DNAL1: variants seen among roughly 807,000 people sequenced by gnomAD.
The protein encoded by DNAL1 is chromosome 14 open reading frame 168.
Under a neutral mutation model 29.4 loss-of-function variants are expected in DNAL1, and 17 were observed. That is an observed-to-expected ratio of 0.58 (90% CI 0.40 to 0.87). DNAL1 has a LOEUF of 0.87. Among genes scored for constraint, DNAL1 ranks in the 40% least tolerant of loss-of-function variants. The pLI is 0.00. For missense variants in DNAL1, 188 were observed against 214.1 expected (o/e 0.88, Z 0.76); for synonymous variants, 78 against 76.3 (o/e 1.02, Z -0.12).
intron 1 of DNAL1, among the ~76,000 whole-genome samples, chr14:73,652,867 A>C (rs1891139778): frequency 6.6e-6 from 1 of 151,624 alleles, no homozygotes; most frequent in Admixed American, 6.6e-5. Context: ...TTTTTCTTTC[A>C]TTATTTTATA....
At position 73,696,759 on chromosome 14, in the gene DNAL1, T is replaced by C. The variant is rs1286331840; in HGVS notation, c.*817T>C. On this transcript the variant is annotated 3_prime_UTR_variant, in exon 8 of 8. Transcript: ENST00000553645. ...CCTTATGTGTTTAAAGCATTAGTTA[T>C]ATTTGAATTCCTAGACTAAATGCTG... 1 of 152,208 alleles carries C rather than the reference T, an allele frequency of 6.6e-6. No homozygotes were observed. Among genetic ancestry groups the C allele is most frequent in the Non-Finnish European group, 1.5e-5 (1 of 68,030 alleles). The allele number at this position is 152,208 out of a possible 1,614,324, so 9.4% of individuals were successfully genotyped here. A position where few individuals can be genotyped will look rare whatever the true frequency, so the allele number is the denominator to read the frequency against.
At chr14:73,680,381 G>A (rs181025206) in intron 5 of DNAL1, among the ~76,000 whole-genome samples, 1 of 152,246 alleles carries the variant, frequency 6.6e-6, no homozygotes, top group Admixed American at 6.5e-5. Context: ...TTGGAGAGAA[G>A]TTATAGCTTT....
intron 1 of DNAL1, 48 bp downstream of exon 1, chr14:73,645,090 G>A: frequency 6.3e-7 from 1 of 1,596,318 alleles, no homozygotes; most frequent in Non-Finnish European, 8.5e-7. Flanking sequence ...AAGATTGGGA[G>A]TGGAAAAGGG....
intron 4 of DNAL1, among the ~76,000 whole-genome samples, chr14:73,669,312 C>CT (rs1566884659): frequency 6.6e-6 from 1 of 151,692 alleles, no homozygotes; most frequent in Non-Finnish European, 1.5e-5. Flanking sequence ...GAATCTTGCT[C>CT]TGTCACCAGG....
chr14:73,668,334 A>T (rs976558101), intron 4 of DNAL1, among the ~76,000 whole-genome samples: 1 of 152,200 alleles, frequency 6.6e-6, no homozygotes, highest in African/African-American at 2.4e-5. Context: ...CCTGGTGTAT[A>T]GTAGATGGTC....
chr14:73,674,044 T>C (rs796641475), intron 5 of DNAL1, among the ~76,000 whole-genome samples: 5 of 151,990 alleles, frequency 3.3e-5, no homozygotes, highest in African/African-American at 9.7e-5. Flanking sequence ...CTGTAATGTG[T>C]GAAACATGGA....
intron 4 of DNAL1, among the ~76,000 whole-genome samples, chr14:73,663,552 C>A (rs1393877481): frequency 6.6e-6 from 1 of 151,922 alleles, no homozygotes; most frequent in East Asian, 1.9e-4. Context: ...TTTTTAAATG[C>A]TGATCACAAC....
intron 3 of DNAL1, among the ~76,000 whole-genome samples, chr14:73,661,065 G>T (rs1891330878): frequency 6.6e-6 from 1 of 152,102 alleles, no homozygotes; most frequent in South Asian, 2.1e-4. Flanking sequence ...TTGGGTGGCG[G>T]AGGCATGAAA....
At chr14:73,659,161 ATTTT>A (rs10547955) in intron 3 of DNAL1, among the ~76,000 whole-genome samples, 44 of 140,844 alleles carry the variant, frequency 3.1e-4, no homozygotes, top group Admixed American at 4.3e-4. Flanking sequence ...GTATAGTACA[ATTTT>A]TTTTTTTTTT....
In DNAL1 at chr14:73,654,426, G is replaced by A. The variant is rs35156197; in HGVS notation, c.4-421G>A. ...TTAATGGTAGAAGCCAAGGCTAATA[G>A]TTATTGCTTGAAAAGTTAATCAACA... On this transcript the variant is annotated intron_variant, in intron 1 of 7. Coordinates refer to ENST00000553645, the MANE Select transcript of DNAL1 (RefSeq NM_031427.4). Among the ~76,000 whole-genome samples, 1,045 of 152,298 alleles carry A rather than the reference G, an allele frequency of 6.9e-3. 6 individuals carry two copies. The highest frequency in any genetic ancestry group is 0.024 in the Middle Eastern group (7 of 294).
intron 4 of DNAL1, among the ~76,000 whole-genome samples, chr14:73,669,081 A>T (rs1040646442): frequency 6.6e-6 from 1 of 151,900 alleles, no homozygotes; most frequent in Non-Finnish European, 1.5e-5. Context: ...AAATGACCTC[A>T]TTTTACCTTA....
At chr14:73,669,462 A>T (rs1891567184) in intron 4 of DNAL1, among the ~76,000 whole-genome samples, 1 of 151,962 alleles carries the variant, frequency 6.6e-6, no homozygotes, top group Admixed American at 6.6e-5. Context: ...TTTTTAGTAG[A>T]GATGGGGTTT....
chr14:73,686,382 T>C (rs1376601548), intron 5 of DNAL1, among the ~76,000 whole-genome samples: 1 of 152,196 alleles, frequency 6.6e-6, no homozygotes, highest in Non-Finnish European at 1.5e-5. Context: ...AATCTTGTCT[T>C]TATTATCTAC....
At chr14:73,677,471 G>A (rs919293936) in intron 5 of DNAL1, among the ~76,000 whole-genome samples, 7 of 151,296 alleles carry the variant, frequency 4.6e-5, no homozygotes, top group Non-Finnish European at 8.8e-5. Flanking sequence ...GGCAAGTACC[G>A]TGTTGTTTTA....
At position 73,645,762 on chromosome 14, in the gene DNAL1, C is replaced by T. The variant is rs147659528; in HGVS notation, c.3+720C>T. 2.1e-3 allele frequency among the ~76,000 whole-genome samples: 313 copies of T among 152,278 alleles called. 4 individuals carry two copies. Among genetic ancestry groups the T allele is most frequent in the Middle Eastern group, 0.01 (3 of 294 alleles). ...CTACCAGCTGTCTATCCAATGAGAGCTCTTTATGAAGTAATGGTTTTACCT... is the reference window on the plus strand; with the variant it reads ...CTACCAGCTGTCTATCCAATGAGAGTTCTTTATGAAGTAATGGTTTTACCT... On this transcript the variant is annotated intron_variant, in intron 1 of 7. Transcript: ENST00000553645.
chr14:73,653,509 G>A (rs1250931499), intron 1 of DNAL1, among the ~76,000 whole-genome samples: 2 of 151,908 alleles, frequency 1.3e-5, no homozygotes, highest in African/African-American at 2.4e-5. Flanking sequence ...ACACCACCAT[G>A]CCAGGCTAAT....
At chr14:73,645,922 GA>G (rs1300144172) in intron 1 of DNAL1, among the ~76,000 whole-genome samples, 1 of 152,220 alleles carries the variant, frequency 6.6e-6, no homozygotes, top group Non-Finnish European at 1.5e-5. Context: ...CTACTGGATA[GA>G]GATGTTTATG....
intron 5 of DNAL1, 99 bp downstream of exon 5, chr14:73,671,696 G>C: frequency 2.4e-6 from 3 of 1,242,082 alleles, no homozygotes; most frequent in Non-Finnish European, 3.1e-6. Context: ...TAGGTCAAAA[G>C]GTATCAGTTT....
chr14:73,692,153 A>G (rs1892191178), intron 7 of DNAL1, among the ~76,000 whole-genome samples: 1 of 151,598 alleles, frequency 6.6e-6, no homozygotes, highest in African/African-American at 2.4e-5. Flanking sequence ...TACTTCCTTC[A>G]GGGTTGTACG....
Sources: allele counts gnomAD v4.1 joint callset (sites outside exome capture counted in the v4.1 genomes callset), GRCh38; gene constraint gnomAD v4.1.1; transcripts MANE v1.5; gene names NCBI Gene and HGNC (gene_info 2026-07-23, HGNC 2026-07-21).